Variants in COX20 observed in about 807,000 individuals in gnomAD.
COX20 encodes cytochrome c oxidase assembly protein COX20, mitochondrial.
In COX20, 14 loss-of-function variants were observed where a neutral mutation model predicts 14.3. The observed-to-expected ratio is 0.98, with a 90% CI of 0.65 to 1.53. The LOEUF is 1.53. Among genes scored for constraint, COX20 ranks in the 40% most tolerant of loss-of-function variants. The probability of loss-of-function intolerance (pLI) is 0.00; values close to 1 mark genes in which losing one functional copy is unlikely to be tolerated. For missense variants in COX20, 149 were observed against 142.1 expected (o/e 1.05, Z -0.25); for synonymous variants, 56 against 51.7 (o/e 1.08, Z -0.36).
upstream of COX20, chr1:244,835,394 C>G: frequency 3.3e-6 from 1 of 304,494 alleles, no homozygotes; most frequent in Non-Finnish European, 6.0e-6. Flanking sequence ...CTGTCTGGCT[C>G]GGTTACGCCC....
At chr1:244,835,459 C>T, upstream of COX20, 1 of 379,248 alleles carries the variant, frequency 2.6e-6, no homozygotes, top group Non-Finnish European at 4.7e-6. Context: ...TCTCCTTCCG[C>T]TCTCCCGCCC....
At chr1:244,842,096 A>G (rs766517236) in intron 2 of COX20, 38 bp downstream of exon 2, 1 of 1,538,100 alleles carries the variant, frequency 6.5e-7, no homozygotes, top group Non-Finnish European at 9.0e-7. Flanking sequence ...ATGTACTAAA[A>G]AAAGCATTTC....
intron 1 of COX20, among the ~76,000 whole-genome samples, chr1:244,839,525 T>C (rs370714597): frequency 1.3e-5 from 2 of 152,052 alleles, no homozygotes; most frequent in Non-Finnish European, 1.5e-5. Context: ...AGAAGAGAAA[T>C]GTTAAAGGCA....
intron 1 of COX20, among the ~76,000 whole-genome samples, chr1:244,836,014 A>G (rs1360688304): frequency 6.6e-6 from 1 of 152,222 alleles, no homozygotes; most frequent in East Asian, 1.9e-4. Context: ...GAAATAAGCT[A>G]ACAATACTGA....
At position 244,835,763 on chromosome 1, in the gene COX20, T is replaced by A; in HGVS notation, c.42+7T>A. On this transcript the variant is annotated splice_region_variant and intron_variant, in intron 1 of 3. Transcript: ENST00000411948. The stretch of plus-strand genomic sequence containing the variant: ...TGAGCCCGAGGAGAGGAAGGTAACC[T>A]GGGGGTCGGCGGGGCGCGCGCCGCG... 4 of 1,232,396 alleles carry A rather than the reference T, an allele frequency of 3.2e-6. No homozygotes were observed. The highest frequency in any genetic ancestry group is 4.0e-6 in the Non-Finnish European group (4 of 987,812). The allele number at this position is 1,232,396 out of a possible 1,614,324, so 76.3% of individuals were successfully genotyped here. A position where few individuals can be genotyped will look rare whatever the true frequency, so the allele number is the denominator to read the frequency against.
rs186610343 is a variant in COX20, at chr1:244,843,813, C to T, written c.*637C>T. The T allele has an allele frequency of 1.3e-5, 2 of 152,190 alleles. No homozygotes were observed. Among genetic ancestry groups the T allele is most frequent in the East Asian group, 3.9e-4 (2 of 5,190 alleles). 9.4% of individuals were successfully genotyped at this position (152,190 alleles called of 1,614,324 possible). On this transcript the variant is annotated 3_prime_UTR_variant, in exon 4 of 4. Coordinates refer to ENST00000411948, the MANE Select transcript of COX20 (RefSeq NM_198076.6). ...ATGGAACTTGTCTGGCAGACTGATG[C>T]AATAGTAAAACAACTGCAGAATTAC...
chr1:244,835,703 G>A lies in COX20; in HGVS notation c.-12G>A. On this transcript the variant is annotated 5_prime_UTR_variant, in exon 1 of 4. Transcript: ENST00000411948. ...GGCGGTGCAGGGCGGGTGGAGTCGC[G>A]GAGTAGTCCTCATGGCCGCCCCGCC... 3.2e-6 allele frequency: 4 copies of A among 1,257,634 alleles called. No individual in the cohort carries two copies. The highest frequency in any genetic ancestry group is 4.0e-6 in the Non-Finnish European group (4 of 998,732). The allele number at this position is 1,257,634 out of a possible 1,614,324, so 77.9% of individuals were successfully genotyped here.
At chr1:244,835,649 GCC>G (rs1553278361), upstream of COX20, 499 of 1,195,960 alleles carry the variant, frequency 4.2e-4, 2 homozygotes, top group Middle Eastern at 0.01. Flanking sequence ...GAGGGGCGCG[GCC>G]AGCCGGGCTT....
rs752832432 is a variant in COX20, at chr1:244,844,396, T to TGCCCACTCTTA, written c.*1222_*1232dup. The TGCCCACTCTTA allele has an allele frequency of 6.6e-5, 10 of 152,218 alleles. No individual in the cohort carries two copies. The highest frequency in any genetic ancestry group is 1.0e-4 in the Non-Finnish European group (7 of 68,042). The allele number at this position is 152,218 out of a possible 1,614,324, so 9.4% of individuals were successfully genotyped here. On this transcript the variant is annotated 3_prime_UTR_variant, in exon 4 of 4. Coordinates refer to ENST00000411948, the MANE Select transcript of COX20 (RefSeq NM_198076.6). ...CTGATTCACAAAAAGGAAGACAGTT[T>TGCCCACTCTTA]GCCCACTCTTAGTGGCACAAATCAA...
chr1:244,837,641 T>C (rs887686850), intron 1 of COX20, among the ~76,000 whole-genome samples: 1 of 152,334 alleles, frequency 6.6e-6, no homozygotes, highest in African/African-American at 2.4e-5. Flanking sequence ...TATTAGACAC[T>C]GAACGAGGTA....
chr1:244,842,154 C>A (rs373236496), intron 2 of COX20, 41 bp from the exon 3 acceptor site: 7 of 1,461,416 alleles, frequency 4.8e-6, no homozygotes, highest in Non-Finnish European at 6.7e-6. Context: ...ATGTATATAA[C>A]GTAATTATAT....
intron 1 of COX20, among the ~76,000 whole-genome samples, chr1:244,836,731 T>C (rs1680000663): frequency 6.6e-6 from 1 of 152,220 alleles, no homozygotes; most frequent in Admixed American, 6.5e-5. Context: ...TAATATATAC[T>C]TAAGATATTC....
chr1:244,835,655 C>G, upstream of COX20: 3 of 1,212,190 alleles, frequency 2.5e-6, no homozygotes, highest in South Asian at 3.8e-5. Context: ...CGCGGCCAGC[C>G]GGGCTTCTGC....
At position 244,835,740 on chromosome 1, in the gene COX20, A is replaced by G. The variant is rs973185276; in HGVS notation, c.26A>G (p.Glu9Gly). The G allele has an allele frequency of 4.7e-6, 6 of 1,271,612 alleles. No individual in the cohort carries two copies. Among genetic ancestry groups the G allele is most frequent in the Non-Finnish European group, 6.0e-6 (6 of 1,005,174 alleles). 78.8% of individuals were successfully genotyped at this position (1,271,612 alleles called of 1,614,324 possible). ...ATGGCCGCCCCGCCGGAGCCCGGTGAGCCCGAGGAGAGGAAGGTAACCTGG... is the reference window on the plus strand; with the variant it reads ...ATGGCCGCCCCGCCGGAGCCCGGTGGGCCCGAGGAGAGGAAGGTAACCTGG... MAAPPEPGEPEERKSLKLL... is the reference protein window; with the variant it reads MAAPPEPGGPEERKSLKLL... The change falls in exon 1 of 4, where the codon GAG becomes GGG. Residue 9 changes from glutamate (E) to glycine (G), a missense_variant. Glu to Gly is a moderately conservative substitution (Grantham distance 98). Coordinates refer to ENST00000411948, the MANE Select transcript of COX20 (RefSeq NM_198076.6).
chr1:244,836,537 T>C (rs1273164175), intron 1 of COX20: 4 of 1,545,954 alleles, frequency 2.6e-6, no homozygotes, highest in Non-Finnish European at 3.5e-6. Flanking sequence ...AATGATCTTG[T>C]TTTCCTCTTT....
At chr1:244,840,276 G>C (rs1029347466) in intron 1 of COX20, 3 of 152,170 alleles carry the variant, frequency 2.0e-5, no homozygotes, top group African/African-American at 7.2e-5. Flanking sequence ...AGTGGGACTA[G>C]AAAATACTTA....
intron 3 of COX20, 81 bp downstream of exon 3, chr1:244,842,339 G>A: frequency 6.3e-6 from 6 of 948,998 alleles, no homozygotes; most frequent in Non-Finnish European, 1.0e-5. Flanking sequence ...TTTCAGAGCA[G>A]TCTCCCATTG....
intron 1 of COX20, among the ~76,000 whole-genome samples, chr1:244,836,683 A>G (rs991596347): frequency 7.9e-5 from 12 of 152,184 alleles, no homozygotes; most frequent in Non-Finnish European, 1.3e-4. Flanking sequence ...ATCACGAGCA[A>G]ATATTTATAG....
rs891630231 is a variant in COX20, at chr1:244,843,937, T to G, written c.*761T>G. Reference sequence around the variant, plus strand: ...CAGCATCTAACTAAATCCTCAGGATTTATTCTCCGGGAGAAATTATCCCTT... The same window carrying G: ...CAGCATCTAACTAAATCCTCAGGATGTATTCTCCGGGAGAAATTATCCCTT... On this transcript the variant is annotated 3_prime_UTR_variant, in exon 4 of 4. Transcript: ENST00000411948. 6.6e-6 allele frequency: 1 copy of G among 152,224 alleles called. No individual in the cohort carries two copies. The highest frequency in any genetic ancestry group is 2.4e-5 in the African/African-American group (1 of 41,458). 9.4% of individuals were successfully genotyped at this position (152,224 alleles called of 1,614,324 possible). A position where few individuals can be genotyped will look rare whatever the true frequency, so the allele number is the denominator to read the frequency against.
Sources: gnomAD v4.1 joint callset for allele counts (sites outside exome capture counted in the v4.1 genomes callset) on GRCh38, gnomAD v4.1.1 for gene constraint, MANE v1.5 for transcripts, NCBI Gene and HGNC (gene_info 2026-07-23, HGNC 2026-07-21) for gene names.